The following GET1 variants were observed in gnomAD, a reference collection of about 807,000 sequenced individuals.
GET1 encodes the protein congenital heart disease 5 protein.
A neutral mutation model predicts 22.6 loss-of-function variants in GET1; 20 were observed. The ratio of observed to expected loss-of-function variants is 0.89; its 90% CI spans 0.62 to 1.29. GET1 has a LOEUF of 1.29. Among genes scored for constraint, GET1 ranks in the 50% most tolerant of loss-of-function variants. GET1 has a pLI of 0.00. For synonymous variants in GET1, 92 were observed against 83.8 expected (o/e 1.10, Z -0.53); for missense variants, 209 against 219.9 (o/e 0.95, Z 0.31).
chr21:39,414,734 C>CTGTGTGTGTGTGTGTGTGTGTG (rs1446676855), intron 1 of GET1, among the ~76,000 whole-genome samples: 13 of 103,260 alleles, frequency 1.3e-4, no homozygotes, highest in African/African-American at 5.3e-4. Context: ...CTCTCTCTCT[C>CTGTGTGTGTGTGTGTGTGTGTG]TCTCTCTCTG....
At chr21:39,411,060 G>A, downstream of GET1, 1 of 380,446 alleles carries the variant, frequency 2.6e-6, no homozygotes, top group Non-Finnish European at 5.2e-6. Context: ...TAATGATAGT[G>A]GCATCAATAT....
At chr21:39,385,939 T>C (rs1466389853) in intron 1 of GET1, among the ~76,000 whole-genome samples, 1 of 152,002 alleles carries the variant, frequency 6.6e-6, no homozygotes, top group Non-Finnish European at 1.5e-5. Context: ...TGGCGCTGGC[T>C]CAGGGTCCCT....
chr21:39,381,480 C>T (rs533031843), intron 1 of GET1, among the ~76,000 whole-genome samples: 31 of 152,296 alleles, frequency 2.0e-4, no homozygotes, highest in Admixed American at 8.5e-4. Context: ...TTCTTACTCT[C>T]TCAATTGTCC....
At chr21:39,414,536 G>A (rs2040698054) in intron 1 of GET1, among the ~76,000 whole-genome samples, 1 of 152,114 alleles carries the variant, frequency 6.6e-6, no homozygotes, top group Admixed American at 6.5e-5. Flanking sequence ...GAATTCCCAC[G>A]ACAAGATTTC....
rs753220677 is a variant in GET1, at chr21:39,428,519, TA to T, written c.*315del. The T allele has an allele frequency of 4.5e-6, 6 of 1,345,048 alleles. No homozygotes were observed. The South Asian group carries it at 5.4e-5, about 12-fold the overall frequency. The allele number at this position is 1,345,048 out of a possible 1,614,324, so 83.3% of individuals were successfully genotyped here. On this transcript the variant is annotated 3_prime_UTR_variant, in exon 2 of 2. Coordinates refer to the GET1 transcript ENST00000478273. Reference sequence around the variant, plus strand: ...AGCAAACAACCTAATAAAAGAAAAGTAAAACCTAATAAAAGTATTTTTGAAT... The same window carrying T: ...AGCAAACAACCTAATAAAAGAAAAGTAAACCTAATAAAAGTATTTTTGAAT...
chr21:39,415,614 A>G (rs1321338908), intron 1 of GET1, among the ~76,000 whole-genome samples: 1 of 152,206 alleles, frequency 6.6e-6, no homozygotes, highest in Non-Finnish European at 1.5e-5. Context: ...ATTCCTTCAC[A>G]TAATCAAATA....
intron 1 of GET1, among the ~76,000 whole-genome samples, chr21:39,385,863 C>T (rs1280954328): frequency 6.6e-6 from 1 of 151,700 alleles, no homozygotes; most frequent in Non-Finnish European, 1.5e-5. Flanking sequence ...ACTGCGCAGG[C>T]GCTCCAGGAC....
intron 1 of GET1, among the ~76,000 whole-genome samples, chr21:39,417,619 T>C (rs567863795): frequency 6.6e-6 from 1 of 152,162 alleles, no homozygotes; most frequent in African/African-American, 2.4e-5. Flanking sequence ...GGGACAGAGG[T>C]TTAATGGACT....
At chr21:39,406,263 G>C in exon 5 of GET1, 1 of 1,614,174 alleles carries the variant, frequency 6.2e-7, no homozygotes, top group Non-Finnish European at 8.5e-7. Flanking sequence ...TGCCGGCATT[G>C]GCTGGCCCCC....
chr21:39,398,433 A>T (rs930743844), downstream of GET1, among the ~76,000 whole-genome samples: 2 of 152,188 alleles, frequency 1.3e-5, no homozygotes, highest in Non-Finnish European at 2.9e-5. Flanking sequence ...TATCTCTTAA[A>T]GATATTCTCA....
At chr21:39,427,589 G>A (rs1041137644) in intron 1 of GET1, among the ~76,000 whole-genome samples, 3 of 151,336 alleles carry the variant, frequency 2.0e-5, no homozygotes, top group Non-Finnish European at 4.4e-5. Context: ...GTGAACCCGG[G>A]AGGCAGAGCT....
downstream of GET1, chr21:39,410,009 T>C (rs558972566): frequency 1.3e-6 from 2 of 1,583,908 alleles, no homozygotes; most frequent in Admixed American, 3.4e-5. Context: ...TCCTCTTGCT[T>C]TGGTAGTTTA....
chr21:39,383,223 G>A (rs2037673447), intron 1 of GET1, among the ~76,000 whole-genome samples: 1 of 150,792 alleles, frequency 6.6e-6, no homozygotes, highest in South Asian at 2.1e-4. Context: ...CAAAGTGCTG[G>A]GATTACAGGC....
chr21:39,409,648 A>T (rs1357045137), downstream of GET1, among the ~76,000 whole-genome samples: 1 of 152,048 alleles, frequency 6.6e-6, no homozygotes, highest in Non-Finnish European at 1.5e-5. This position sits in a 1 kb window ranked among gnomAD's most constrained non-coding sequence, Gnocchi z 4.2. Flanking sequence ...GTTGGAGTGC[A>T]GTGGCACGAT....
At position 39,418,190 on chromosome 21, in the gene GET1, G is replaced by A. The variant is rs569855178; in HGVS notation, c.*23+7253G>A. Among the ~76,000 whole-genome samples, 4 of 152,248 alleles carry A rather than the reference G, an allele frequency of 2.6e-5. No individual in the cohort carries two copies. The South Asian group carries it at 8.3e-4, about 32-fold the overall frequency. On this transcript the variant is annotated intron_variant, in intron 1 of 1. Transcript: ENST00000478273. ...CACTGGGTCCCTCCCCTGACATGTG[G>A]GAACTGTGGGAGCTACAATTCAAGA...
chr21:39,421,053 C>T (rs989623545), intron 1 of GET1, among the ~76,000 whole-genome samples: 2 of 151,616 alleles, frequency 1.3e-5, no homozygotes, highest in African/African-American at 2.4e-5. Flanking sequence ...AAATATCACA[C>T]GTTTGGAGCC....
chr21:39,402,382 G>A (rs755675642), downstream of GET1, among the ~76,000 whole-genome samples: 11 of 152,318 alleles, frequency 7.2e-5, no homozygotes, highest in Non-Finnish European at 1.2e-4. Flanking sequence ...TGGGATTACA[G>A]TCTTGAGCCA....
At chr21:39,385,772 G>C (rs2037847008) in intron 1 of GET1, among the ~76,000 whole-genome samples, 3 of 151,856 alleles carry the variant, frequency 2.0e-5, no homozygotes, top group African/African-American at 7.3e-5. Flanking sequence ...ACTCGCGCGG[G>C]GTCAAAGTCC....
At chr21:39,415,779 C>A (rs2041032979) in intron 1 of GET1, among the ~76,000 whole-genome samples, 1 of 152,126 alleles carries the variant, frequency 6.6e-6, no homozygotes, top group Non-Finnish European at 1.5e-5. Flanking sequence ...ATTTTTTCTG[C>A]TTTGCTATTT....
Sources: allele counts gnomAD v4.1 joint callset (sites outside exome capture counted in the v4.1 genomes callset), GRCh38; gene constraint gnomAD v4.1.1; non-coding constraint Gnocchi (gnomAD v3.1); transcripts MANE v1.5; gene names NCBI Gene and HGNC (gene_info 2026-07-23, HGNC 2026-07-21).